Variants in COMT observed in about 807,000 individuals in gnomAD.
COMT encodes catechol O-methyltransferase.
In COMT, 13 loss-of-function variants were observed where a neutral mutation model predicts 18.9. The ratio of observed to expected loss-of-function variants is 0.69; its 90% CI spans 0.45 to 1.09. The LOEUF is 1.09. COMT is among the 50% of genes least tolerant of loss of function. The pLI is 0.00. For synonymous variants in COMT, 150 were observed against 160.9 expected, an observed-to-expected ratio of 0.93 and a Z score of 0.51; for missense variants, 329 against 361.8, an observed-to-expected ratio of 0.91 and a Z score of 0.73.
At chr22:19,963,354 G>A (rs560597340) in intron 3 of COMT, 8 of 616,086 alleles carry the variant, frequency 1.3e-5, no homozygotes, top group Admixed American at 2.8e-5. Flanking sequence ...CTCCAAGCGC[G>A]CTCACAGTGG....
At chr22:19,950,166 C>G (rs559813983) in intron 1 of COMT, among the ~76,000 whole-genome samples, 3 of 151,314 alleles carry the variant, frequency 2.0e-5, no homozygotes, top group Non-Finnish European at 4.4e-5. Flanking sequence ...AAACACAACT[C>G]ACTAGTTTAT....
Position 19,964,214 on chromosome 22 carries a change from AGAAGAAGTAT to A in COMT, c.533_542del (p.Lys178MetfsTer41). 1 of 1,614,058 alleles carries A rather than the reference AGAAGAAGTAT, an allele frequency of 6.2e-7. No homozygotes were observed. The highest frequency in any genetic ancestry group is 8.5e-7 in the Non-Finnish European group (1 of 1,179,942). ...TCCCAGGACATCATCCCCCAGCTGA[AGAAGAAGTAT>A]GATGTGGACACACTGGACATGGTCT... is the stretch of plus-strand genomic sequence containing the variant. On this transcript the variant is annotated frameshift_variant, in exon 5 of 6. Transcript: ENST00000361682. LOFTEE classifies it high-confidence loss of function.
intron 1 of COMT, among the ~76,000 whole-genome samples, chr22:19,948,954 CAAAAAAAAAA>C (rs71186636): frequency 2.3e-5 from 2 of 86,864 alleles, no homozygotes; most frequent in Non-Finnish European, 2.3e-5. Flanking sequence ...GACTCTGTCT[CAAAAAAAAAA>C]AAAAAAAAAA....
At position 19,968,963 on chromosome 22, in the gene COMT, C is replaced by T. The variant is rs1460814795; in HGVS notation, c.*227C>T. ...TACTAACACTGGCTAGCTATATTAT[C>T]TTATATACTAATATCATGTTTTAAA... is the stretch of plus-strand genomic sequence containing the variant. On this transcript the variant is annotated 3_prime_UTR_variant, in exon 6 of 6. Transcript: ENST00000361682. 4 of 515,114 alleles carry T rather than the reference C, an allele frequency of 7.8e-6. No individual in the cohort carries two copies. The East Asian group carries it at 1.0e-4, about 13-fold the overall frequency. 31.9% of individuals were successfully genotyped at this position (515,114 alleles called of 1,614,324 possible).
At chr22:19,963,447 C>T (rs867766596) in intron 3 of COMT, 119 bp from the exon 4 acceptor site, 49 of 1,193,138 alleles carry the variant, frequency 4.1e-5, no homozygotes, top group Middle Eastern at 5.4e-4. Context: ...GGAGGGCCAG[C>T]GGCCAGGCAT....
At position 19,968,536 on chromosome 22, in the gene COMT, G is replaced by C. The variant is rs1942556598; in HGVS notation, c.616G>C (p.Glu206Gln). The change falls in exon 6 of 6, where the codon GAA (glutamate) becomes CAA (glutamine). Residue 206 changes from glutamate to glutamine, a missense_variant and splice_region_variant. By Grantham distance (29) the Glu-to-Gln change is conservative (BLOSUM62 2). Coordinates refer to ENST00000361682, the MANE Select transcript of COMT (RefSeq NM_000754.4). ...RYLPDTLLLE[E>Q]CGLLRKGTVL... ...CCCCCACCCCCCGGTCTGTTTGCAG[G>C]AATGTGGCCTGCTGCGGAAGGGGAC... The C allele has an allele frequency of 6.2e-7, 1 of 1,613,826 alleles. No homozygotes were observed. Among genetic ancestry groups the C allele is most frequent in the Non-Finnish European group, 8.5e-7 (1 of 1,179,916 alleles).
chr22:19,962,735 G>A lies in COMT; in HGVS notation c.209G>A (p.Gly70Glu). 1.2e-6 allele frequency: 2 copies of A among 1,613,742 alleles called. No homozygotes were observed. The highest frequency in any genetic ancestry group is 1.1e-5 in the South Asian group (1 of 91,080). ...CACGTGCTGCAGCATGCGGAGCCCG[G>A]GAACGCACAGAGCGTGCTGGAGGCC... ...LNHVLQHAEPGNAQSVLEAID... is the reference protein window; with the variant it reads ...LNHVLQHAEPENAQSVLEAID... The change falls in exon 3 of 6, where the codon GGG becomes GAG. Residue 70 changes from glycine to glutamate, a missense_variant. Gly to Glu is a moderately conservative substitution (Grantham distance 98). Coordinates refer to ENST00000361682, the MANE Select transcript of COMT (RefSeq NM_000754.4).
chr22:19,952,698 A>G (rs1281927976), intron 1 of COMT, among the ~76,000 whole-genome samples: 1 of 151,778 alleles, frequency 6.6e-6, no homozygotes, highest in Non-Finnish European at 1.5e-5. Flanking sequence ...CACGCCTGTA[A>G]TCCCAGCACT....
chr22:19,965,377 C>G (rs1942333333), intron 5 of COMT: 3 of 152,208 alleles, frequency 2.0e-5, no homozygotes, highest in Admixed American at 2.0e-4. Flanking sequence ...GAGTCTTGCT[C>G]TGTCACCAGG....
chr22:19,969,961 T>G lies in COMT; in HGVS notation c.*1225T>G. On this transcript the variant is annotated 3_prime_UTR_variant, in exon 6 of 6. Transcript: ENST00000361682. Reference sequence around the variant, plus strand: ...TTAGGTGTTTACCAATAGTCTTATTTTGGCTTATTTTTAATGCTTTTTCTC... The same window carrying G: ...TTAGGTGTTTACCAATAGTCTTATTGTGGCTTATTTTTAATGCTTTTTCTC... The G allele has an allele frequency of 1.0e-6, 1 of 985,638 alleles. No individual in the cohort carries two copies. Among genetic ancestry groups the G allele is most frequent in the Non-Finnish European group, 1.2e-6 (1 of 829,942 alleles). The allele number at this position is 985,638 out of a possible 1,614,324, so 61.1% of individuals were successfully genotyped here. A position where few individuals can be genotyped will look rare whatever the true frequency, so the allele number is the denominator to read the frequency against.
At chr22:19,963,918 A>G (rs1169809126) in intron 4 of COMT, 159 bp downstream of exon 4, 2 of 1,177,738 alleles carry the variant, frequency 1.7e-6, no homozygotes, top group Non-Finnish European at 2.4e-6. Flanking sequence ...GGCTGAGGAA[A>G]GACCCCCCCA....
intron 1 of COMT, among the ~76,000 whole-genome samples, chr22:19,957,825 C>T (rs140673818): frequency 1.3e-5 from 2 of 152,186 alleles, no homozygotes; most frequent in Non-Finnish European, 2.9e-5. Context: ...GCCAGGCAGC[C>T]GGTGCAGAAG....
chr22:19,956,502 G>A (rs1942068138), intron 1 of COMT, among the ~76,000 whole-genome samples: 1 of 149,534 alleles, frequency 6.7e-6, no homozygotes, highest in African/African-American at 2.5e-5. Context: ...TCAGCCTCCT[G>A]AGTAGCTGGG....
At chr22:19,957,261 C>G (rs571537459) in intron 1 of COMT, among the ~76,000 whole-genome samples, 2 of 152,070 alleles carry the variant, frequency 1.3e-5, no homozygotes, top group Non-Finnish European at 2.9e-5. Context: ...GCATTCCTGT[C>G]TTTTAAAGAA....
intron 1 of COMT, among the ~76,000 whole-genome samples, chr22:19,956,638 A>G (rs957730793): frequency 6.6e-6 from 1 of 152,194 alleles, no homozygotes; most frequent in African/African-American, 2.4e-5. Flanking sequence ...GGCCTCCCAA[A>G]GTGCTGGGAT....
intron 1 of COMT, among the ~76,000 whole-genome samples, chr22:19,951,215 C>T (rs564524561): frequency 1.3e-5 from 2 of 152,124 alleles, no homozygotes; most frequent in East Asian, 1.9e-4. Context: ...AAAAATTAGC[C>T]GGGCGTTGTG....
At position 19,969,338 on chromosome 22, in the gene COMT, C is replaced by G. The variant is rs1372450071; in HGVS notation, c.*602C>G. On this transcript the variant is annotated 3_prime_UTR_variant, in exon 6 of 6. Coordinates refer to ENST00000361682, the MANE Select transcript of COMT (RefSeq NM_000754.4). Reference sequence around the variant, plus strand: ...CGCTGGGGACAGGTGGACCCCGCAGCAGCACCAGCCCCTCTGGGCCCCATG... The same window carrying G: ...CGCTGGGGACAGGTGGACCCCGCAGGAGCACCAGCCCCTCTGGGCCCCATG... 2 of 153,746 alleles carry G rather than the reference C, an allele frequency of 1.3e-5. No individual in the cohort carries two copies. The highest frequency in any genetic ancestry group is 2.9e-5 in the Non-Finnish European group (2 of 69,148). The allele number at this position is 153,746 out of a possible 1,614,324, so 9.5% of individuals were successfully genotyped here.
intron 5 of COMT, chr22:19,966,963 C>T (rs887757433): frequency 4.5e-5 from 44 of 985,306 alleles, no homozygotes; most frequent in Non-Finnish European, 5.2e-5. Context: ...CCTGCTCAGA[C>T]GCTGATGCAT....
At chr22:19,963,870 C>A in intron 4 of COMT, 111 bp downstream of exon 4, 1 of 1,360,022 alleles carries the variant, frequency 7.4e-7, no homozygotes, top group Non-Finnish European at 1.0e-6. Flanking sequence ...TCACTGAAAA[C>A]CCACTATCAC....
Sources: allele counts gnomAD v4.1 joint callset (sites outside exome capture counted in the v4.1 genomes callset), GRCh38; gene constraint gnomAD v4.1.1; transcripts MANE v1.5; gene names NCBI Gene and HGNC (gene_info 2026-07-23, HGNC 2026-07-21).